Variants in SORCS2 observed in about 807,000 individuals in gnomAD.
SORCS2 encodes sortilin related VPS10 domain containing receptor 2, also known as VPS10 domain-containing receptor SorCS2.
Under a neutral mutation model 141.6 loss-of-function variants are expected in SORCS2, and 100 were observed. The observed-to-expected ratio is 0.71, with a 90% confidence interval of 0.60 to 0.83. The LOEUF (loss-of-function observed/expected upper bound fraction) is 0.83. SORCS2 is among the 40% of genes least tolerant of loss of function. SORCS2 has a pLI of 0.00. For missense variants in SORCS2, 1,646 were observed against 1,560.2 expected (o/e 1.05, Z -0.93); for synonymous variants, 789 against 676.9 (o/e 1.17, Z -2.57).
chr4:7,589,711 C>A (rs551660249), intron 3 of SORCS2, among the ~76,000 whole-genome samples: 1 of 152,200 alleles, frequency 6.6e-6, no homozygotes, highest in African/African-American at 2.4e-5. Flanking sequence ...AGCTGAGTCC[C>A]GTTCTAAGTG....
At chr4:7,394,505 C>T (rs975273090) in intron 1 of SORCS2, among the ~76,000 whole-genome samples, 10 of 126,050 alleles carry the variant, frequency 7.9e-5, no homozygotes, top group African/African-American at 1.6e-4. Flanking sequence ...AGGAATTCAC[C>T]GAGGAAATAG....
At chr4:7,715,129 G>A in intron 16 of SORCS2, 54 bp from the exon 17 acceptor site, 1 of 1,600,272 alleles carries the variant, frequency 6.2e-7, no homozygotes, top group Non-Finnish European at 8.5e-7. Flanking sequence ...AACCCTGGGT[G>A]ACTCCGGTTC....
intron 3 of SORCS2, among the ~76,000 whole-genome samples, chr4:7,534,730 G>A (rs536434310): frequency 6.6e-6 from 1 of 152,328 alleles, no homozygotes; most frequent in South Asian, 2.1e-4. Flanking sequence ...GAAAGAAGTT[G>A]GAAAAGCCAA....
intron 1 of SORCS2, among the ~76,000 whole-genome samples, chr4:7,305,693 C>A (rs1380171647): frequency 6.6e-6 from 1 of 152,148 alleles, no homozygotes; most frequent in Non-Finnish European, 1.5e-5. Context: ...ATACCCTGGG[C>A]TCCGTCCACT....
intron 1 of SORCS2, among the ~76,000 whole-genome samples, chr4:7,385,483 C>T (rs1723236411): frequency 6.6e-6 from 1 of 152,200 alleles, no homozygotes; most frequent in African/African-American, 2.4e-5. Context: ...GCTTCCGAGC[C>T]TGTTGTCCTA....
intron 2 of SORCS2, among the ~76,000 whole-genome samples, chr4:7,439,818 T>A (rs1443814371): frequency 6.6e-6 from 1 of 152,146 alleles, no homozygotes; most frequent in Non-Finnish European, 1.5e-5. Context: ...TGGTTTCCAG[T>A]TTGGGGTTAT....
chr4:7,458,778 C>T (rs543569041), intron 2 of SORCS2, among the ~76,000 whole-genome samples: 82 of 151,854 alleles, frequency 5.4e-4, no homozygotes, highest in Non-Finnish European at 8.1e-4. Context: ...AAGGGGGTCC[C>T]GGGCACCATA....
intron 3 of SORCS2, among the ~76,000 whole-genome samples, chr4:7,626,310 T>C (rs1222147388): frequency 6.6e-6 from 1 of 152,198 alleles, no homozygotes; most frequent in Non-Finnish European, 1.5e-5. Flanking sequence ...AAGTACATTA[T>C]TTATTGGATT....
intron 2 of SORCS2, among the ~76,000 whole-genome samples, chr4:7,400,145 C>T (rs1275141037): frequency 1.3e-5 from 2 of 151,704 alleles, no homozygotes; most frequent in African/African-American, 2.4e-5. Flanking sequence ...AAAAACCCCA[C>T]CCCCGGCTCC....
chr4:7,560,485 G>A lies in SORCS2; in HGVS notation c.648+28856G>A, dbSNP rs538201200. Among the ~76,000 whole-genome samples the A allele has an allele frequency of 3.9e-5, 6 of 152,282 alleles. No homozygotes were observed. In the East Asian group the frequency reaches 1.2e-3, roughly 29 times the overall value. On this transcript the variant is annotated intron_variant, in intron 3 of 26. Coordinates refer to ENST00000507866, the MANE Select transcript of SORCS2 (RefSeq NM_020777.3). Reference sequence around the variant, plus strand: ...TGACAGTGGCCATCTCTAAGGTGGAGGTGACAGTGCTGCTCCCGGGAACCA... The same window carrying A: ...TGACAGTGGCCATCTCTAAGGTGGAAGTGACAGTGCTGCTCCCGGGAACCA...
chr4:7,322,654 C>T (rs938259903), intron 1 of SORCS2, among the ~76,000 whole-genome samples: 4 of 152,228 alleles, frequency 2.6e-5, no homozygotes, highest in Non-Finnish European at 4.4e-5. Flanking sequence ...CTTGTCCAGC[C>T]GCTCAAGAGT....
At chr4:7,710,789 C>G (rs1352123929) in intron 14 of SORCS2, among the ~76,000 whole-genome samples, 2 of 152,246 alleles carry the variant, frequency 1.3e-5, no homozygotes, top group Non-Finnish European at 2.9e-5. Flanking sequence ...GCGGCAGAGT[C>G]ACAGCCGTAC....
intron 3 of SORCS2, among the ~76,000 whole-genome samples, chr4:7,591,744 G>A (rs534237114): frequency 9.2e-4 from 140 of 152,272 alleles, no homozygotes; most frequent in African/African-American, 3.1e-3. Context: ...TTTCTAAAGC[G>A]CCCCACGGCA....
chr4:7,505,700 G>A (rs1163044074), intron 2 of SORCS2, among the ~76,000 whole-genome samples: 1 of 152,010 alleles, frequency 6.6e-6, no homozygotes, highest in African/African-American at 2.4e-5. Context: ...GCGGGAACAC[G>A]AGGACGCAGC....
intron 15 of SORCS2, 51 bp from the exon 16 acceptor site, chr4:7,714,189 G>A: frequency 6.3e-7 from 1 of 1,578,128 alleles, no homozygotes; most frequent in Admixed American, 1.8e-5. Flanking sequence ...AGGCCTTGTA[G>A]AGCAGTTGCC....
intron 1 of SORCS2, among the ~76,000 whole-genome samples, chr4:7,312,331 C>T (rs907153357): frequency 1.4e-4 from 21 of 152,338 alleles, no homozygotes; most frequent in African/African-American, 5.1e-4. Flanking sequence ...CAGCTGGACC[C>T]TGAGAAGCTC....
Position 7,728,365 on chromosome 4 carries a change from T to C in SORCS2, c.2885T>C (p.Met962Thr), listed in dbSNP as rs772147326. ...GTCTTTCCAGATCAATTTCAAGTCA[T>C]GCCTCTGCAGTTTTCCAAGGAGCTG... ...VLRVLDQFQV[M>T]PLQFSKELDA... The change falls in exon 22 of 27, where the codon ATG becomes ACG. Residue 962 changes from methionine (M) to threonine (T), a missense_variant. Coordinates refer to ENST00000507866, the MANE Select transcript of SORCS2 (RefSeq NM_020777.3). 14 of 1,613,474 alleles carry C rather than the reference T, an allele frequency of 8.7e-6. No individual in the cohort carries two copies. Among genetic ancestry groups the C allele is most frequent in the African/African-American group, 5.3e-5 (4 of 74,922 alleles).
chr4:7,464,143 C>G (rs1264290764), intron 2 of SORCS2, among the ~76,000 whole-genome samples: 8 of 152,182 alleles, frequency 5.3e-5, no homozygotes, highest in African/African-American at 9.7e-5. Context: ...GAACTTTCCA[C>G]TGTAGAGGAA....
rs1284063280 is a variant in SORCS2, at chr4:7,723,713, C to A, written c.2441C>A (p.Thr814Asn). 1 of 1,613,984 alleles carries A rather than the reference C, an allele frequency of 6.2e-7. No individual in the cohort carries two copies. ...TCTCTGCAGGGTGATGTCCTGACTA[C>A]CAAGTACCAGGTAGACCTTGGGGAC... ...VRQEQGDVLT[T>N]KYQVDLGDGF... Residue 814 changes from threonine (T) to asparagine (N), a missense_variant, in exon 19 of 27, where the codon ACC becomes AAC. Coordinates refer to ENST00000507866, the MANE Select transcript of SORCS2 (RefSeq NM_020777.3).
Sources: allele counts gnomAD v4.1 joint callset (sites outside exome capture counted in the v4.1 genomes callset), GRCh38; gene constraint gnomAD v4.1.1; transcripts MANE v1.5; gene names NCBI Gene and HGNC (gene_info 2026-07-23, HGNC 2026-07-21).